Variants in PRH1 observed in about 807,000 individuals in gnomAD.
The protein encoded by PRH1 is proline rich protein HaeIII subfamily 1.
A neutral mutation model predicts 7.9 loss-of-function variants in PRH1; 7 were observed. The observed-to-expected ratio is 0.89, with a 90% CI of 0.50 to 1.67. The LOEUF is 1.67. Among genes scored for constraint, PRH1 ranks in the 40% most tolerant of loss-of-function variants. PRH1 has a pLI of 0.00. For synonymous variants in PRH1, 45 were observed against 80.8 expected, an observed-to-expected ratio of 0.56 and a Z score of 2.38; for missense variants, 109 against 223.6, an observed-to-expected ratio of 0.49 and a Z score of 3.27.
intron 1 of PRH1, among the ~76,000 whole-genome samples, chr12:11,114,703 A>C (rs1945683086): frequency 6.6e-6 from 1 of 152,206 alleles, no homozygotes; most frequent in Admixed American, 6.5e-5. Context: ...CAGTACAATA[A>C]GAAATAAATA....
chr12:10,910,707 G>A (rs1484262076), intron 2 of PRH1, among the ~76,000 whole-genome samples: 5 of 152,026 alleles, frequency 3.3e-5, no homozygotes, highest in African/African-American at 1.2e-4. Flanking sequence ...TTCTGAAAAC[G>A]TGGAGACTCA....
chr12:10,944,019 G>A (rs1472336549), intron 2 of PRH1, among the ~76,000 whole-genome samples: 1 of 152,054 alleles, frequency 6.6e-6, no homozygotes, highest in Non-Finnish European at 1.5e-5. Context: ...CTCTAGCTTT[G>A]TTAGCTCTGT....
At chr12:11,105,624 A>G (rs977848942) in intron 1 of PRH1, among the ~76,000 whole-genome samples, 2 of 152,216 alleles carry the variant, frequency 1.3e-5, no homozygotes, top group African/African-American at 2.4e-5. Context: ...TAGCATGCCA[A>G]TGAAGAGTTT....
At chr12:10,898,617 A>C (rs1390307640) in intron 2 of PRH1, among the ~76,000 whole-genome samples, 1 of 152,196 alleles carries the variant, frequency 6.6e-6, no homozygotes, top group Non-Finnish European at 1.5e-5. Context: ...CTAATAAAAT[A>C]TATATCATAC....
intron 2 of PRH1, chr12:10,965,409 C>T: frequency 1.4e-6 from 1 of 697,022 alleles, no homozygotes. Flanking sequence ...GGCTGTGATC[C>T]TTTAATATCC....
chr12:10,965,106 T>C, intron 2 of PRH1: 1 of 1,340,266 alleles, frequency 7.5e-7, no homozygotes, highest in South Asian at 1.2e-5. Context: ...TTAATAGTAG[T>C]AATTCTTACT....
At chr12:11,021,759 A>G (rs1941643969) in intron 1 of PRH1, 7 of 1,614,102 alleles carry the variant, frequency 4.3e-6, no homozygotes, top group Non-Finnish European at 5.9e-6. Context: ...GGAATGAAGG[A>G]TACATGATTG....
At chr12:11,118,140 T>C (rs1945783532), downstream of PRH1, among the ~76,000 whole-genome samples, 1 of 152,034 alleles carries the variant, frequency 6.6e-6, no homozygotes, top group African/African-American at 2.4e-5. Context: ...ATCCACAGAA[T>C]AGGAGAAAAT....
At chr12:10,932,264 A>G (rs1346531209) in intron 2 of PRH1, 2 of 426,270 alleles carry the variant, frequency 4.7e-6, no homozygotes, top group Non-Finnish European at 9.8e-6. Context: ...AAATGCCTTG[A>G]AACATAATGT....
intron 2 of PRH1, among the ~76,000 whole-genome samples, chr12:10,917,957 A>T (rs932808741): frequency 6.6e-6 from 1 of 152,204 alleles, no homozygotes; most frequent in African/African-American, 2.4e-5. Flanking sequence ...AGCTGAGCAG[A>T]TATCAGTGCC....
At chr12:10,966,016 G>GAC (rs887620568) in intron 2 of PRH1, among the ~76,000 whole-genome samples, 3 of 151,966 alleles carry the variant, frequency 2.0e-5, no homozygotes, top group African/African-American at 7.3e-5. Flanking sequence ...CACATAGACA[G>GAC]ACACACACAC....
rs375716996 is a variant in PRH1, at chr12:11,155,646, T to C, written n.39+15776A>G. Among the ~76,000 whole-genome samples, 10 of 152,334 alleles carry C rather than the reference T, an allele frequency of 6.6e-5. No homozygotes were observed. In the East Asian group the frequency reaches 1.9e-3, roughly 29 times the overall value. ...ATGACTTCTTTTTTTAAGCATTATG[T>C]TGATAAAATGTATCCACTTTGTTGC... On this transcript the variant is annotated intron_variant and non_coding_transcript_variant, in intron 1 of 1. Transcript: ENST00000541175.
At chr12:10,896,627 T>C (rs1314786146) in intron 2 of PRH1, among the ~76,000 whole-genome samples, 1 of 151,966 alleles carries the variant, frequency 6.6e-6, no homozygotes, top group Admixed American at 6.6e-5. Context: ...CTGGGCTTGG[T>C]GGCATGCTCC....
chr12:11,069,430 T>A (rs374023027), intron 1 of PRH1, among the ~76,000 whole-genome samples: 1 of 149,032 alleles, frequency 6.7e-6, no homozygotes, highest in Non-Finnish European at 1.5e-5. Flanking sequence ...AATTGAGATC[T>A]TGGGCAATCT....
In PRH1 at chr12:11,105,963, C is replaced by T. The variant is rs1417479272; in HGVS notation, n.124-58775G>A. 1.1e-4 allele frequency among the ~76,000 whole-genome samples: 9 copies of T among 84,008 alleles called. 1 individual carries two copies. The highest frequency in any genetic ancestry group is 2.6e-4 in the African/African-American group (6 of 23,376). The allele number at this position is 84,008 out of a possible 152,430, so 55.1% of individuals were successfully genotyped here. On this transcript the variant is annotated intron_variant and non_coding_transcript_variant, in intron 1 of 4. Coordinates refer to the PRH1 transcript ENST00000541977. ...TTTTTTTTTTTTTTTTTTTTTGAGA[C>T]GGAGTCTCACTCTTTCGCCCAAGCT...
intron 2 of PRH1, among the ~76,000 whole-genome samples, chr12:10,892,128 T>G (rs1261648383): frequency 1.3e-5 from 2 of 152,296 alleles, no homozygotes; most frequent in East Asian, 3.9e-4. Flanking sequence ...CCTCAAACTT[T>G]GCACCCTGCA....
chr12:11,054,636 A>G (rs996431094), intron 1 of PRH1, among the ~76,000 whole-genome samples: 1 of 152,212 alleles, frequency 6.6e-6, no homozygotes, highest in Non-Finnish European at 1.5e-5. Context: ...TTTAGAGATA[A>G]ATTTATAAAA....
intron 1 of PRH1, among the ~76,000 whole-genome samples, chr12:11,008,141 C>T (rs4298989): frequency 0.31 from 46,884 of 151,704 alleles, 8,968 homozygotes; most frequent in East Asian, 0.74. Flanking sequence ...CGGAAAAATA[C>T]GGGGTTGGCA....
At chr12:11,120,242 T>C (rs1250776927), downstream of PRH1, among the ~76,000 whole-genome samples, 7 of 152,196 alleles carry the variant, frequency 4.6e-5, no homozygotes, top group East Asian at 1.9e-4. Flanking sequence ...TTGCCTAAAG[T>C]AATGTGTTTT....
Sources: allele counts gnomAD v4.1 joint callset (sites outside exome capture counted in the v4.1 genomes callset), GRCh38; gene constraint gnomAD v4.1.1; transcripts MANE v1.5; gene names NCBI Gene and HGNC (gene_info 2026-07-23, HGNC 2026-07-21).